Variants in BCL11A observed in about 807,000 individuals in gnomAD.
The protein encoded by BCL11A is B cell CLL/lymphoma 11A.
BCL11A carries 2 observed loss-of-function variants against 55.9 expected under a neutral mutation model. The ratio of observed to expected loss-of-function variants is 0.04; its 90% CI spans 0.01 to 0.11. The LOEUF is 0.11. BCL11A is among the 10% of genes least tolerant of loss of function. The pLI, the probability that BCL11A is intolerant of heterozygous loss-of-function variation, is 1.00. For missense variants in BCL11A, 817 were observed against 1,137.1 expected (o/e 0.72, Z 4.05); for synonymous variants, 465 against 473.4 (o/e 0.98, Z 0.23).
chr2:60,455,678 C>T (rs1159372788), downstream of BCL11A, among the ~76,000 whole-genome samples: 4 of 152,108 alleles, frequency 2.6e-5, no homozygotes, highest in Non-Finnish European at 4.4e-5. Context: ...AACCTAATTA[C>T]GCTAAGAGCA....
intron 2 of BCL11A, among the ~76,000 whole-genome samples, chr2:60,503,644 C>G (rs973613202): frequency 6.6e-6 from 1 of 152,152 alleles, no homozygotes; most frequent in Non-Finnish European, 1.5e-5. Context: ...AGTTCCTACC[C>G]AGGACTGAGA....
intron 2 of BCL11A, among the ~76,000 whole-genome samples, chr2:60,491,544 T>C (rs1312010186): frequency 6.6e-6 from 1 of 151,942 alleles, no homozygotes; most frequent in Admixed American, 6.6e-5. Flanking sequence ...TGGTAATACA[T>C]GCCTGTAATC....
chr2:60,527,940 G>C (rs1669276607), intron 2 of BCL11A: 1 of 152,220 alleles, frequency 6.6e-6, no homozygotes, highest in Non-Finnish European at 1.5e-5. Context: ...GACTGGGAGA[G>C]GCCACCACGC....
chr2:60,480,844 T>C (rs1029230560), intron 2 of BCL11A, among the ~76,000 whole-genome samples: 1 of 152,124 alleles, frequency 6.6e-6, no homozygotes, highest in African/African-American at 2.4e-5. Flanking sequence ...TTTCCTCTAT[T>C]CTCATCCCCT....
At chr2:60,525,824 C>T (rs891741454) in intron 2 of BCL11A, 3 of 152,188 alleles carry the variant, frequency 2.0e-5, no homozygotes, top group Non-Finnish European at 4.4e-5. Flanking sequence ...GCCCAAAAGA[C>T]CTTAAATGCC....
intron 1 of BCL11A, among the ~76,000 whole-genome samples, chr2:60,548,376 T>TAATATTCTAAAA (rs1409047406): frequency 6.7e-6 from 1 of 150,222 alleles, no homozygotes; most frequent in African/African-American, 2.5e-5. Flanking sequence ...TTTCTAAAAG[T>TAATATTCTAAAA]GGGAATATTA....
At chr2:60,543,512 C>T (rs898841169) in intron 2 of BCL11A, 2 of 152,322 alleles carry the variant, frequency 1.3e-5, no homozygotes, top group East Asian at 1.9e-4. Context: ...CACACACAGC[C>T]GTCTTCCAGA....
chr2:60,479,305 C>T (rs1677813635), intron 2 of BCL11A, among the ~76,000 whole-genome samples: 1 of 152,226 alleles, frequency 6.6e-6, no homozygotes, highest in African/African-American at 2.4e-5. Context: ...GCGGGCACAG[C>T]GGCCACACAC....
chr2:60,459,434 TCACCAGGAGCAAAGTAG>T lies in BCL11A; in HGVS notation c.*953_*969del. ...AAAACAGCCCATTTCTTTTAAGCTC[TCACCAGGAGCAAAGTAG>T]CTTTTATACTGGTATAATCAGTTTT... is the stretch of plus-strand genomic sequence containing the variant. On this transcript the variant is annotated 3_prime_UTR_variant, in exon 4 of 4. Transcript: ENST00000642384. The T allele has an allele frequency of 9.8e-7, 1 of 1,022,426 alleles. No individual in the cohort carries two copies. Among genetic ancestry groups the T allele is most frequent in the Non-Finnish European group, 1.2e-6 (1 of 851,592 alleles). 63.3% of individuals were successfully genotyped at this position (1,022,426 alleles called of 1,614,324 possible). A position where few individuals can be genotyped will look rare whatever the true frequency, so the allele number is the denominator to read the frequency against.
chr2:60,523,121 T>C (rs1669064838), intron 2 of BCL11A, among the ~76,000 whole-genome samples: 1 of 152,230 alleles, frequency 6.6e-6, no homozygotes. Flanking sequence ...TACAGATTAC[T>C]GAAGTCCATT....
At position 60,546,534 on chromosome 2, in the gene BCL11A, C is replaced by T. The variant is rs951128260; in HGVS notation, c.56-234G>A. ...TCACATATGTAAAGAAAACAGTCTT[C>T]CTTGCATAACTCCAGAGAACACACA... On this transcript the variant is annotated intron_variant, in intron 1 of 3. Transcript: ENST00000642384. This position sits in a 1 kb window ranked among gnomAD's most constrained non-coding sequence, Gnocchi z 4.1. 18 of 523,810 alleles carry T rather than the reference C, an allele frequency of 3.4e-5. No homozygotes were observed. The highest frequency in any genetic ancestry group is 5.8e-5 in the Non-Finnish European group (17 of 293,842). The allele number at this position is 523,810 out of a possible 1,614,324, so 32.4% of individuals were successfully genotyped here.
intron 2 of BCL11A, among the ~76,000 whole-genome samples, chr2:60,494,522 T>C (rs945957956): frequency 4.6e-5 from 7 of 152,210 alleles, no homozygotes; most frequent in Non-Finnish European, 7.4e-5. Context: ...AAAGTGTTCA[T>C]TCCATCTCCC....
In BCL11A at chr2:60,461,334, C is replaced by A; in HGVS notation, c.1578G>T (p.Glu526Asp). Reference protein sequence around the residue: ...GLSLEAARHHENSSRGAVVGV... With the variant: ...GLSLEAARHHDNSSRGAVVGV... ...CCACGACCGCGCCCCGCGAGCTGTT[C>A]TCGTGGTGGCGCGCCGCCTCCAGGC... The change falls in exon 4 of 4, where the codon GAG becomes GAT. Residue 526 changes from glutamate to aspartate, a missense_variant. By Grantham distance (45) the Glu-to-Asp change is conservative. Coordinates refer to ENST00000642384, the MANE Select transcript of BCL11A (RefSeq NM_022893.4). 6.3e-7 allele frequency: 1 copy of A among 1,595,558 alleles called. No homozygotes were observed. The highest frequency in any genetic ancestry group is 8.5e-7 in the Non-Finnish European group (1 of 1,176,056).
In BCL11A at chr2:60,553,326, G is replaced by T; in HGVS notation, c.-56C>A. ...CGGCGGCGGCGGCGGGCGGACGACGGCTCGGTTCACATCGGGAGAGCCGGG... is the reference window on the plus strand; with the variant it reads ...CGGCGGCGGCGGCGGGCGGACGACGTCTCGGTTCACATCGGGAGAGCCGGG... On this transcript the variant is annotated 5_prime_UTR_variant, in exon 1 of 4. Transcript: ENST00000642384. 1.3e-6 allele frequency: 2 copies of T among 1,504,030 alleles called. No homozygotes were observed. Among genetic ancestry groups the T allele is most frequent in the South Asian group, 1.2e-5 (1 of 80,826 alleles). 93.2% of individuals were successfully genotyped at this position (1,504,030 alleles called of 1,614,324 possible). A position where few individuals can be genotyped will look rare whatever the true frequency, so the allele number is the denominator to read the frequency against.
In BCL11A at chr2:60,460,373, G is replaced by A. The variant is rs765634143; in HGVS notation, c.*31C>T. The A allele has an allele frequency of 6.4e-7, 1 of 1,557,504 alleles. No individual in the cohort carries two copies. The highest frequency in any genetic ancestry group is 1.8e-5 in the Admixed American group (1 of 56,872). ...GGAGTGGTGAAAAAGGGGGTGTCAG[G>A]TGGGAGTGAGGGAGGGGTATTAATA... is the stretch of plus-strand genomic sequence containing the variant. On this transcript the variant is annotated 3_prime_UTR_variant, in exon 4 of 4. Transcript: ENST00000642384.
At chr2:60,512,136 G>A (rs1680022196) in intron 2 of BCL11A, among the ~76,000 whole-genome samples, 1 of 152,190 alleles carries the variant, frequency 6.6e-6, no homozygotes, top group Non-Finnish European at 1.5e-5. Flanking sequence ...CTGGAGCTGG[G>A]GAGCTGCAGA....
rs1461601805 is a variant in BCL11A, at chr2:60,553,238, G to A, written c.33C>T (p.His11=). 2 of 1,600,350 alleles carry A rather than the reference G, an allele frequency of 1.2e-6. No homozygotes were observed. The highest frequency in any genetic ancestry group is 1.7e-6 in the Non-Finnish European group (2 of 1,176,014). The stretch of plus-strand genomic sequence containing the variant: ...TACGCGAGAATTCCCGTTTGCTTAA[G>A]TGCTGGGGTTTGCCTTGCTTGCGGC... MSRRKQGKPQ[H]LSKREFSPEP... is the part of the protein sequence containing the mutation. Residue 11 remains histidine, a synonymous_variant, in exon 1 of 4, where the codon CAC becomes CAT. Coordinates refer to ENST00000642384, the MANE Select transcript of BCL11A (RefSeq NM_022893.4).
At chr2:60,541,583 T>C (rs1315722709) in intron 2 of BCL11A, among the ~76,000 whole-genome samples, 1 of 152,252 alleles carries the variant, frequency 6.6e-6, no homozygotes, top group Admixed American at 6.5e-5. Flanking sequence ...ACAGCTTGTA[T>C]ATAGGACTCC....
intron 2 of BCL11A, among the ~76,000 whole-genome samples, chr2:60,476,743 T>G (rs1318239751): frequency 1.3e-5 from 2 of 152,230 alleles, no homozygotes; most frequent in Non-Finnish European, 2.9e-5. Context: ...ATATCCTCTC[T>G]GTCAAGTAGT....
Sources: gnomAD v4.1 joint callset for allele counts (sites outside exome capture counted in the v4.1 genomes callset) on GRCh38, gnomAD v4.1.1 for gene constraint, Gnocchi (gnomAD v3.1) non-coding constraint, MANE v1.5 for transcripts, NCBI Gene and HGNC (gene_info 2026-07-23, HGNC 2026-07-21) for gene names.